Variants in SCN9A observed in about 807,000 individuals in gnomAD.
The protein encoded by SCN9A is sodium voltage-gated channel alpha subunit 9.
SCN9A carries 131 observed loss-of-function variants against 187.0 expected under a neutral mutation model. The ratio of observed to expected loss-of-function variants is 0.70; its 90% CI spans 0.61 to 0.81. SCN9A has a LOEUF of 0.81. Among genes scored for constraint, SCN9A ranks in the 30% least tolerant of loss-of-function variants. The pLI, the probability that SCN9A is intolerant of heterozygous loss-of-function variation, is 0.00. For missense variants in SCN9A, 2,252 were observed against 2,396.6 expected (o/e 0.94, Z 1.26); for synonymous variants, 809 against 808.6 (o/e 1.00, Z -0.01).
chr2:166,278,203 TA>T lies in SCN9A; in HGVS notation c.2453del (p.Leu818Ter). The T allele has an allele frequency of 6.2e-7, 1 of 1,613,190 alleles. No homozygotes were observed. The highest frequency in any genetic ancestry group is 8.5e-7 in the Non-Finnish European group (1 of 1,179,596). On this transcript the variant is annotated frameshift_variant, in exon 15 of 27. Coordinates refer to ENST00000642356, the MANE Select transcript of SCN9A (RefSeq NM_001365536.1). LOFTEE classifies it high-confidence loss of function. ...CTGCTAGAAAGAGCTCCACTAAACT[TA>T]AAGTCACAATAAGGCTGTCAAAAAT... ...WNIFDSLIVT[L>X]SLVELFLADV...
intron 1 of SCN9A, among the ~76,000 whole-genome samples, chr2:166,347,434 G>C (rs1461324520): frequency 1.3e-5 from 2 of 152,160 alleles, no homozygotes; most frequent in Non-Finnish European, 2.9e-5. Flanking sequence ...CAGGGGATAG[G>C]TTTTCATGCA....
rs951835837 is a variant in SCN9A at position 166,315,462 on chromosome 2, A to T, written c.-50-3656T>A. Among the ~76,000 whole-genome samples the T allele has an allele frequency of 5.3e-5, 8 of 152,316 alleles. No individual in the cohort carries two copies. In the South Asian group the frequency reaches 1.7e-3, roughly 32 times the overall value. On this transcript the variant is annotated intron_variant, in intron 1 of 26. Transcript: ENST00000642356. Reference sequence around the variant, plus strand: ...AAAAAGCAGAGGCAAAGGGTGGTCAATGCTAGTGGTACCATGCATGGGCAA... The same window carrying T: ...AAAAAGCAGAGGCAAAGGGTGGTCATTGCTAGTGGTACCATGCATGGGCAA...
At chr2:166,325,595 A>G (rs1043592828) in intron 1 of SCN9A, among the ~76,000 whole-genome samples, 8 of 152,162 alleles carry the variant, frequency 5.3e-5, no homozygotes, top group African/African-American at 9.6e-5. Context: ...AATAAGTACA[A>G]TTTAACTCCC....
intron 11 of SCN9A, among the ~76,000 whole-genome samples, chr2:166,285,521 C>G (rs1697697536): frequency 6.6e-6 from 1 of 152,202 alleles, no homozygotes; most frequent in Non-Finnish European, 1.5e-5. Flanking sequence ...CCAGCTTGGA[C>G]TGCTCCTGTC....
chr2:166,354,142 G>A (rs7589477), intron 1 of SCN9A, among the ~76,000 whole-genome samples: 91,182 of 151,764 alleles, frequency 0.6, 27,544 homozygotes, highest in African/African-American at 0.67. Context: ...CATCAGAAAC[G>A]CTATCTTTAA....
At chr2:166,304,888 A>G (rs915796098) in intron 5 of SCN9A, among the ~76,000 whole-genome samples, 1 of 152,122 alleles carries the variant, frequency 6.6e-6, no homozygotes. Flanking sequence ...ACTGAATTGT[A>G]TACTTTAAAA....
intron 17 of SCN9A, among the ~76,000 whole-genome samples, chr2:166,268,421 C>T (rs1402228522): frequency 1.3e-5 from 2 of 151,830 alleles, no homozygotes; most frequent in Non-Finnish European, 2.9e-5. Context: ...ATTTCAAAGG[C>T]ATCTCAGATA....
intron 1 of SCN9A, among the ~76,000 whole-genome samples, chr2:166,324,595 TATTTAAATCATAGTTAAC>T (rs1197830360): frequency 6.6e-6 from 1 of 152,136 alleles, no homozygotes; most frequent in East Asian, 1.9e-4. Flanking sequence ...CTAAAAAGTT[TATTTAAATCATAGTTAAC>T]ATCAACAACG....
intron 24 of SCN9A, among the ~76,000 whole-genome samples, chr2:166,226,314 T>C (rs1362189414): frequency 3.9e-5 from 6 of 152,178 alleles, no homozygotes; most frequent in Non-Finnish European, 8.8e-5. Context: ...ATAGTTGATA[T>C]ATTGCTCAAA....
intron 17 of SCN9A, among the ~76,000 whole-genome samples, chr2:166,255,416 G>A (rs1490092070): frequency 2.0e-5 from 3 of 151,366 alleles, no homozygotes; most frequent in African/African-American, 7.3e-5. Flanking sequence ...ATTTATCACT[G>A]GCATTTCCTA....
chr2:166,220,304 A>C (rs1461720514), intron 24 of SCN9A, among the ~76,000 whole-genome samples: 2 of 152,312 alleles, frequency 1.3e-5, no homozygotes, highest in Admixed American at 6.5e-5. Context: ...TCCAAAGCTC[A>C]TGTTGCAATT....
rs774613581 is a variant in SCN9A, at chr2:166,280,384, G to A, written c.2316C>T (p.Phe772=). The A allele has an allele frequency of 1.9e-6, 3 of 1,580,682 alleles. No individual in the cohort carries two copies. The East Asian group carries it at 6.8e-5, about 36-fold the overall frequency. Residue 772 remains phenylalanine (F), a synonymous_variant, in exon 14 of 27, where the codon TTC becomes TTT. Coordinates refer to ENST00000642356, the MANE Select transcript of SCN9A (RefSeq NM_001365536.1). ...AATTTCCTATAGCAAGTACATTTTT[G>A]AATTCCTCAGTCATTGGGTGGTGTT... is the stretch of plus-strand genomic sequence containing the variant. The part of the protein sequence containing the change: ...AMEHHPMTEE[F]KNVLAIGNLV...
chr2:166,291,489 G>C (rs1015965676), intron 9 of SCN9A, among the ~76,000 whole-genome samples: 2 of 152,134 alleles, frequency 1.3e-5, no homozygotes, highest in African/African-American at 4.8e-5. Flanking sequence ...CATGTAAATG[G>C]CCATACTGCC....
intron 18 of SCN9A, among the ~76,000 whole-genome samples, chr2:166,251,238 T>C (rs183300420): frequency 6.6e-6 from 1 of 152,138 alleles, no homozygotes; most frequent in African/African-American, 2.4e-5. Context: ...GGAGAAATCA[T>C]TATTTACAGG....
At position 166,228,839 on chromosome 2, in the gene SCN9A, G is replaced by T; in HGVS notation, c.4058C>A (p.Thr1353Asn). 1 of 1,613,860 alleles carries T rather than the reference G, an allele frequency of 6.2e-7. No homozygotes were observed. The highest frequency in any genetic ancestry group is 8.5e-7 in the Non-Finnish European group (1 of 1,179,844). The change falls in exon 22 of 27, where the codon ACC (threonine) becomes AAC (asparagine). Residue 1353 changes from threonine (T) to asparagine (N), a missense_variant. Thr to Asn is a moderately conservative substitution (Grantham distance 65). Transcript: ENST00000642356. Reference sequence around the variant, plus strand: ...TGCAGGAAACCGTGACCCATCTGTGGTGTTAATACACTCATAGAACTTGCC... The same window carrying T: ...TGCAGGAAACCGTGACCCATCTGTGTTGTTAATACACTCATAGAACTTGCC... ...FAGKFYECIN[T>N]TDGSRFPASQ... is the part of the protein sequence containing the mutation.
intron 1 of SCN9A, among the ~76,000 whole-genome samples, chr2:166,316,469 C>T (rs983483904): frequency 3.9e-5 from 6 of 152,154 alleles, no homozygotes; most frequent in African/African-American, 1.4e-4. Flanking sequence ...CCCAGGCAGG[C>T]AGATCATGAG....
chr2:166,320,833 G>C (rs1186106685), intron 1 of SCN9A, among the ~76,000 whole-genome samples: 1 of 152,014 alleles, frequency 6.6e-6, no homozygotes, highest in Non-Finnish European at 1.5e-5. Flanking sequence ...TTGTCTCTAT[G>C]GTTGTCAAGA....
intron 24 of SCN9A, among the ~76,000 whole-genome samples, chr2:166,222,995 G>T (rs1315901463): frequency 1.5e-5 from 1 of 65,888 alleles, no homozygotes; most frequent in Non-Finnish European, 3.3e-5. Flanking sequence ...ACCGTAAAGA[G>T]ATATCATTTC....
chr2:166,316,231 A>T (rs529224329), intron 1 of SCN9A, among the ~76,000 whole-genome samples: 5 of 152,340 alleles, frequency 3.3e-5, no homozygotes, highest in African/African-American at 1.2e-4. Context: ...GTTAATAAAC[A>T]CTTGTAACCA....
Sources: gnomAD v4.1 joint callset for allele counts (sites outside exome capture counted in the v4.1 genomes callset) on GRCh38, gnomAD v4.1.1 for gene constraint, MANE v1.5 for transcripts, NCBI Gene and HGNC (gene_info 2026-07-23, HGNC 2026-07-21) for gene names.